FARP2: variants seen among roughly 807,000 people sequenced by gnomAD.
FARP2 encodes FERM, ARHGEF and pleckstrin domain-containing protein 2.
A neutral mutation model predicts 130.5 loss-of-function variants in FARP2; 111 were observed. That is an observed-to-expected ratio of 0.85 (90% CI 0.73 to 1.00). The LOEUF (loss-of-function observed/expected upper bound fraction) is 1.00. Ranked by LOEUF, FARP2 falls within the 50% of genes least tolerant of loss-of-function variation. The pLI is 0.00. For missense variants in FARP2, 1,385 were observed against 1,346.3 expected, an observed-to-expected ratio of 1.03 and a Z score of -0.45; for synonymous variants, 504 against 516.9, an observed-to-expected ratio of 0.98 and a Z score of 0.34.
At chr2:241,378,422 T>TTTTTTTTTTG (rs1291223460) in intron 2 of FARP2, among the ~76,000 whole-genome samples, 1 of 145,084 alleles carries the variant, frequency 6.9e-6, no homozygotes, top group Non-Finnish European at 1.5e-5. Flanking sequence ...GCCTATTTTT[T>TTTTTTTTTTG]TTTTTTTGAG....
rs1424769590 is a variant in FARP2, at chr2:241,466,698, C to CA, written c.1894-1442_1894-1441insA. The CA allele has an allele frequency of 3.4e-4, 217 of 629,690 alleles. 4 individuals are homozygous for CA. The highest frequency in any genetic ancestry group is 1.1e-3 in the South Asian group (15 of 13,310). The allele number at this position is 629,690 out of a possible 1,614,324, so 39.0% of individuals were successfully genotyped here. ...CACTCCCCTTCCAACCACCCCCCCC[C>CA]CCACCACCACCACCCGTACCCTCCT... is the stretch of plus-strand genomic sequence containing the variant. On this transcript the variant is annotated intron_variant, in intron 17 of 26. Coordinates refer to ENST00000264042, the MANE Select transcript of FARP2 (RefSeq NM_014808.4).
chr2:241,466,484 TGTCC>T, intron 17 of FARP2: 4 of 985,428 alleles, frequency 4.1e-6, no homozygotes, highest in Non-Finnish European at 4.8e-6. Context: ...CAGCCAACCC[TGTCC>T]CTTGGCCCGG....
chr2:241,359,496 T>C (rs1402608062), intron 1 of FARP2, among the ~76,000 whole-genome samples: 2 of 152,146 alleles, frequency 1.3e-5, no homozygotes, highest in Non-Finnish European at 2.9e-5. Flanking sequence ...CCCTCGGGTG[T>C]CTCAGCCCAA....
chr2:241,491,318 C>T (rs1026038193), intron 23 of FARP2, 139 bp downstream of exon 23: 2 of 861,032 alleles, frequency 2.3e-6, no homozygotes, highest in African/African-American at 3.3e-5. Context: ...CAGGCTACGC[C>T]TCATGCCTGG....
At chr2:241,413,940 C>CAA (rs746206247) in intron 7 of FARP2, among the ~76,000 whole-genome samples, 25 of 88,582 alleles carry the variant, frequency 2.8e-4, no homozygotes, top group African/African-American at 8.5e-4. Context: ...AACTCCGTCT[C>CAA]AAAAAAAAAA....
rs564200163 is a variant in FARP2, at chr2:241,361,044, A to G, written c.-25+4656A>G. ...TTCAAAAAAGAAAAAAAAAAAAAAC[A>G]CACATCTTAGGCACACAGAATTGTA... On this transcript the variant is annotated intron_variant, in intron 1 of 26. Coordinates refer to ENST00000264042, the MANE Select transcript of FARP2 (RefSeq NM_014808.4). Among the ~76,000 whole-genome samples the G allele has an allele frequency of 2.0e-5, 3 of 150,950 alleles. No individual in the cohort carries two copies. In the South Asian group the frequency reaches 6.3e-4, roughly 32 times the overall value.
rs189584342 is a variant in FARP2 at position 241,456,785 on chromosome 2, C to T, written c.1450C>T (p.Arg484Trp). Reference protein sequence around the residue: ...TKSPQPSPSSRKSPLSLSPAF... With the variant: ...TKSPQPSPSSWKSPLSLSPAF... The stretch of plus-strand genomic sequence containing the variant: ...GAGTCCTCAGCCTTCTCCCTCCAGC[C>T]GGAAGAGCCCCCTGAGTCTGAGCCC... Residue 484 changes from arginine (R) to tryptophan (W), a missense_variant, in exon 14 of 27, where the codon CGG becomes TGG. Coordinates refer to ENST00000264042, the MANE Select transcript of FARP2 (RefSeq NM_014808.4). 3.2e-5 allele frequency: 52 copies of T among 1,614,170 alleles called. 1 individual carries two copies. Among genetic ancestry groups the T allele is most frequent in the East Asian group, 2.2e-4 (10 of 44,878 alleles).
intron 13 of FARP2, chr2:241,447,124 G>A (rs1365281151): frequency 6.6e-6 from 1 of 152,066 alleles, no homozygotes; most frequent in Non-Finnish European, 1.5e-5. Context: ...AATAAAATAA[G>A]GATATATTTA....
chr2:241,370,125 G>A (rs1488468100), intron 1 of FARP2, among the ~76,000 whole-genome samples: 1 of 152,108 alleles, frequency 6.6e-6, no homozygotes, highest in East Asian at 1.9e-4. Flanking sequence ...TAGCACAATA[G>A]GGCAACTATA....
chr2:241,382,083 C>A (rs533024207), intron 2 of FARP2, among the ~76,000 whole-genome samples: 2 of 152,234 alleles, frequency 1.3e-5, no homozygotes, highest in African/African-American at 4.8e-5. Context: ...AGATAACTAC[C>A]CAGAGAGAAC....
chr2:241,432,515 A>G (rs1270326808), intron 9 of FARP2, among the ~76,000 whole-genome samples: 2 of 152,248 alleles, frequency 1.3e-5, no homozygotes, highest in African/African-American at 2.4e-5. Context: ...TGAGAGCTTC[A>G]GAATGAACTG....
intron 2 of FARP2, among the ~76,000 whole-genome samples, chr2:241,389,332 A>G (rs922019441): frequency 3.3e-5 from 5 of 151,918 alleles, no homozygotes; most frequent in African/African-American, 1.2e-4. Context: ...AAAGAAAAAA[A>G]GAAGAAGAGA....
intron 12 of FARP2, among the ~76,000 whole-genome samples, chr2:241,437,670 ATTTT>A (rs763025047): frequency 4.8e-4 from 64 of 133,114 alleles, no homozygotes; most frequent in Admixed American, 1.4e-3. Context: ...TTATTTATTT[ATTTT>A]TTTTTTTTGA....
chr2:241,478,812 T>C (rs2064541403), intron 19 of FARP2: 2 of 396,666 alleles, frequency 5.0e-6, no homozygotes, highest in East Asian at 1.2e-4. Flanking sequence ...GTGTCCACCA[T>C]GTCCGACAGC....
At chr2:241,369,298 C>T (rs1259981345) in intron 1 of FARP2, among the ~76,000 whole-genome samples, 3 of 152,022 alleles carry the variant, frequency 2.0e-5, no homozygotes. Flanking sequence ...ATAAAATAAA[C>T]ACACATAAAA....
chr2:241,396,604 C>A (rs2062035497), intron 2 of FARP2, among the ~76,000 whole-genome samples: 1 of 152,200 alleles, frequency 6.6e-6, no homozygotes, highest in Non-Finnish European at 1.5e-5. Flanking sequence ...CACTGGCCAT[C>A]AGAGAAATGC....
intron 2 of FARP2, among the ~76,000 whole-genome samples, chr2:241,387,686 A>G (rs2061818529): frequency 6.6e-6 from 1 of 151,310 alleles, no homozygotes; most frequent in Non-Finnish European, 1.5e-5. Context: ...CCAGGTACTC[A>G]GGAGGCTGAG....
chr2:241,407,935 A>G (rs1054738039), intron 5 of FARP2, among the ~76,000 whole-genome samples: 1 of 152,230 alleles, frequency 6.6e-6, no homozygotes, highest in Non-Finnish European at 1.5e-5. Flanking sequence ...TTTTGCTCAT[A>G]TATACTTATT....
intron 14 of FARP2, among the ~76,000 whole-genome samples, chr2:241,461,648 AG>A (rs1462972230): frequency 2.6e-5 from 4 of 152,228 alleles, no homozygotes; most frequent in Non-Finnish European, 5.9e-5. Flanking sequence ...TCACAGGGGC[AG>A]GGGGCAGTGT....
Sources: allele counts gnomAD v4.1 joint callset (sites outside exome capture counted in the v4.1 genomes callset), GRCh38; gene constraint gnomAD v4.1.1; transcripts MANE v1.5; gene names NCBI Gene and HGNC (gene_info 2026-07-23, HGNC 2026-07-21).